Variants in FAR2 observed in about 807,000 individuals in gnomAD.
FAR2 encodes epididymis secretory protein Li 81.
A neutral mutation model predicts 56.0 loss-of-function variants in FAR2; 19 were observed. The ratio of observed to expected loss-of-function variants is 0.34; its 90% CI spans 0.24 to 0.50. The LOEUF (loss-of-function observed/expected upper bound fraction) is 0.50. FAR2 is among the 20% of genes least tolerant of loss of function. The pLI is 0.98. For synonymous variants in FAR2, 219 were observed against 218.8 expected (o/e 1.00, Z -0.01); for missense variants, 508 against 642.2 (o/e 0.79, Z 2.26).
intron 1 of FAR2, among the ~76,000 whole-genome samples, chr12:29,179,333 T>A (rs1485069398): frequency 6.6e-6 from 1 of 152,216 alleles, no homozygotes; most frequent in Non-Finnish European, 1.5e-5. Context: ...AGGACACTTA[T>A]ATGTAGCAGG....
At chr12:29,233,223 G>A (rs1565481489) in intron 1 of FAR2, among the ~76,000 whole-genome samples, 1 of 152,262 alleles carries the variant, frequency 6.6e-6, no homozygotes, top group South Asian at 2.1e-4. Context: ...GGACTCCAAT[G>A]TCCAGCTTCT....
At chr12:29,186,755 A>ATTTATTATTTATTTAT (rs1481530321) in intron 1 of FAR2, among the ~76,000 whole-genome samples, 6 of 46,366 alleles carry the variant, frequency 1.3e-4, no homozygotes, top group South Asian at 7.5e-4. Flanking sequence ...TTCTTTATTT[A>ATTTATTATTTATTTAT]TTATTTATTT....
chr12:29,249,303 G>T (rs917633670), intron 1 of FAR2, among the ~76,000 whole-genome samples: 20 of 152,156 alleles, frequency 1.3e-4, no homozygotes, highest in Non-Finnish European at 2.4e-4. Context: ...CCCTCCGTTT[G>T]GGGTCCCTGA....
intron 1 of FAR2, among the ~76,000 whole-genome samples, chr12:29,257,539 T>C (rs1948343858): frequency 6.6e-6 from 1 of 152,170 alleles, no homozygotes; most frequent in Admixed American, 6.5e-5. Flanking sequence ...GCAATAAATC[T>C]TGCTACTGCT....
chr12:29,165,054 A>G (rs541056093), intron 1 of FAR2, among the ~76,000 whole-genome samples: 1 of 152,330 alleles, frequency 6.6e-6, no homozygotes, highest in South Asian at 2.1e-4. Context: ...TTTGAAGCAC[A>G]GAAGTTCTTA....
intron 2 of FAR2, among the ~76,000 whole-genome samples, chr12:29,270,846 G>C (rs888727122): frequency 6.6e-6 from 1 of 152,104 alleles, no homozygotes; most frequent in African/African-American, 2.4e-5. Context: ...TTCAGTCCAG[G>C]GCAGGTGAGA....
intron 1 of FAR2, among the ~76,000 whole-genome samples, chr12:29,245,615 T>C (rs1053594399): frequency 1.3e-5 from 2 of 152,156 alleles, no homozygotes; most frequent in Non-Finnish European, 2.9e-5. Flanking sequence ...ATCATTGAAA[T>C]AGACTCCAGA....
At position 29,302,550 on chromosome 12, in the gene FAR2, T is replaced by G. The variant is rs576380989; in HGVS notation, c.546-5108T>G. ...TTACGTGTAGGGAAGAAGTTAGAGA[T>G]CAAGCTGGAGGGGAGGATGGGCCAT... On this transcript the variant is annotated intron_variant, in intron 4 of 11. Transcript: ENST00000536681. Among the ~76,000 whole-genome samples, 8 of 151,758 alleles carry G rather than the reference T, an allele frequency of 5.3e-5. No individual in the cohort carries two copies. The South Asian group carries it at 1.7e-3, about 31-fold the overall frequency.
Position 29,311,081 on chromosome 12 carries a change from C to T in FAR2, c.822C>T (p.Asp274=), listed in dbSNP as rs755470567. ...AAGCTACTCCAATGGCTGTGGCAGA[C>T]GTAATTCCAGTTGATACAGTCGTCA... The part of the protein sequence containing the change: ...AIKATPMAVA[D]VIPVDTVVNL... The change falls in exon 7 of 12, where the codon GAC becomes GAT. Residue 274 remains aspartate, a synonymous_variant. Coordinates refer to ENST00000536681, the MANE Select transcript of FAR2 (RefSeq NM_001271783.2). 25 of 1,613,438 alleles carry T rather than the reference C, an allele frequency of 1.5e-5. No homozygotes were observed. Among genetic ancestry groups the T allele is most frequent in the Admixed American group, 1.2e-4 (7 of 59,952 alleles).
chr12:29,207,416 C>G (rs1947488331), intron 1 of FAR2, among the ~76,000 whole-genome samples: 1 of 152,062 alleles, frequency 6.6e-6, no homozygotes, highest in Non-Finnish European at 1.5e-5. Flanking sequence ...GAGTAGTAGC[C>G]AGGAGGGGTC....
chr12:29,276,467 G>A (rs560415226), intron 2 of FAR2, among the ~76,000 whole-genome samples: 1 of 152,246 alleles, frequency 6.6e-6, no homozygotes, highest in South Asian at 2.1e-4. Context: ...TAATGCACAA[G>A]CCATTAGCTA....
chr12:29,242,067 C>T (rs945587287), intron 1 of FAR2, among the ~76,000 whole-genome samples: 4 of 152,170 alleles, frequency 2.6e-5, no homozygotes, highest in African/African-American at 4.8e-5. Context: ...TGCAAACATC[C>T]GTGTTAATGC....
chr12:29,330,032 T>A (rs1160119494), intron 10 of FAR2, among the ~76,000 whole-genome samples: 1 of 151,556 alleles, frequency 6.6e-6, no homozygotes, highest in African/African-American at 2.4e-5. Flanking sequence ...TAGAAAAAGT[T>A]ATCTAAAGCA....
chr12:29,184,559 C>T (rs537898354), intron 1 of FAR2, among the ~76,000 whole-genome samples: 19 of 151,134 alleles, frequency 1.3e-4, no homozygotes, highest in East Asian at 5.9e-4. Context: ...CTCAACCTCC[C>T]GAGTAGCTGG....
At chr12:29,153,542 T>G (rs1949698140) in intron 1 of FAR2, among the ~76,000 whole-genome samples, 1 of 152,180 alleles carries the variant, frequency 6.6e-6, no homozygotes, top group Admixed American at 6.5e-5. Flanking sequence ...TCACAGGTGT[T>G]GATAAAGATC....
In FAR2 at chr12:29,214,831, G is replaced by A. The variant is rs186738040; in HGVS notation, c.-38-55581G>A. ...GAGAAACTCCATCTGAAAATAAAAT[G>A]ATAATAATAATAATAATAATTAAAA... On this transcript the variant is annotated intron_variant, in intron 1 of 11. Transcript: ENST00000536681. 2.0e-3 allele frequency among the ~76,000 whole-genome samples: 297 copies of A among 149,954 alleles called. 2 individuals are homozygous for A. Among genetic ancestry groups the A allele is most frequent in the African/African-American group, 6.9e-3 (281 of 40,560 alleles).
intron 1 of FAR2, among the ~76,000 whole-genome samples, chr12:29,261,930 C>T (rs900129144): frequency 6.6e-6 from 1 of 152,200 alleles, no homozygotes; most frequent in African/African-American, 2.4e-5. Flanking sequence ...GGCAGTTCTT[C>T]AATCTGAGAG....
intron 1 of FAR2, among the ~76,000 whole-genome samples, chr12:29,179,976 A>G (rs10843339): frequency 0.66 from 99,685 of 152,138 alleles, 34,433 homozygotes; most frequent in Non-Finnish European, 0.76. Context: ...AGGAGTATGG[A>G]TATTACAGAC....
At chr12:29,150,518 CT>C (rs1949674152) in intron 1 of FAR2, among the ~76,000 whole-genome samples, 1 of 152,170 alleles carries the variant, frequency 6.6e-6, no homozygotes, top group Non-Finnish European at 1.5e-5. Context: ...AATTACCCAT[CT>C]CTGTATATTC....
Sources: gnomAD v4.1 joint callset for allele counts (sites outside exome capture counted in the v4.1 genomes callset) on GRCh38, gnomAD v4.1.1 for gene constraint, MANE v1.5 for transcripts, NCBI Gene and HGNC (gene_info 2026-07-23, HGNC 2026-07-21) for gene names.